RPH3AL: variants seen among roughly 807,000 people sequenced by gnomAD.
RPH3AL encodes the protein rabphilin 3A like (without C2 domains).
In RPH3AL, 38 loss-of-function variants were observed where a neutral mutation model predicts 43.1. That is an observed-to-expected ratio of 0.88 (90% confidence interval 0.68 to 1.15). The LOEUF is 1.15. RPH3AL is among the 50% of genes most tolerant of loss of function. RPH3AL has a pLI of 0.00. For synonymous variants in RPH3AL, 189 were observed against 176.3 expected (o/e 1.07, Z -0.57); for missense variants, 462 against 423.2 (o/e 1.09, Z -0.81).
intron 5 of RPH3AL, among the ~76,000 whole-genome samples, chr17:317,867 T>G (rs894332244): frequency 2.0e-5 from 3 of 152,116 alleles, no homozygotes; most frequent in African/African-American, 7.2e-5. Flanking sequence ...TTCTTTTGAC[T>G]TCTCCATCTT....
chr17:324,012 C>T (rs1369605542), intron 3 of RPH3AL, among the ~76,000 whole-genome samples: 1 of 151,184 alleles, frequency 6.6e-6, no homozygotes, highest in Non-Finnish European at 1.5e-5. Context: ...CCCTGCAAGG[C>T]AGGCCCAGAC....
In RPH3AL at chr17:319,480, G is replaced by A; in HGVS notation, c.291C>T (p.Leu97=). Residue 97 remains leucine (L), a synonymous_variant, in exon 5 of 10, where the codon CTC becomes CTT. Coordinates refer to ENST00000331302, the MANE Select transcript of RPH3AL (RefSeq NM_006987.4). ...VMGNGLSQCL[L]CGEVLGFLGS... is the part of the protein sequence containing the mutation. ...CCAGGAAGCCCAGCACCTCCCCGCA[G>A]AGCAGACACTGGGACAGGCCGTTCC... 3.7e-6 allele frequency: 6 copies of A among 1,612,702 alleles called. No individual in the cohort carries two copies. Among genetic ancestry groups the A allele is most frequent in the Non-Finnish European group, 5.1e-6 (6 of 1,179,966 alleles).
intron 1 of RPH3AL, among the ~76,000 whole-genome samples, chr17:344,214 CACT>C (rs2045192929): frequency 7.6e-6 from 1 of 132,254 alleles, no homozygotes; most frequent in Admixed American, 7.3e-5. Flanking sequence ...TCACCATCAT[CACT>C]ATCATCACCA....
chr17:333,732 A>AT lies in RPH3AL; in HGVS notation c.-37+26dup. 5.8e-6 allele frequency: 1 copy of AT among 173,746 alleles called. No homozygotes were observed. Among genetic ancestry groups the AT allele is most frequent in the South Asian group, 1.3e-4 (1 of 7,832 alleles). The allele number at this position is 173,746 out of a possible 1,614,324, so 10.8% of individuals were successfully genotyped here. On this transcript the variant is annotated intron_variant, in intron 2 of 9. Transcript: ENST00000331302. The surrounding 1 kb of genome is among the most constrained non-coding windows in gnomAD (Gnocchi z 4.5). ...AGTTCCCAAAAGGGAAATGAAGTGCATTTTTTCAGTGTATTTTTTGAGATA... is the reference window on the plus strand; with the variant it reads ...AGTTCCCAAAAGGGAAATGAAGTGCATTTTTTTCAGTGTATTTTTTGAGATA...
At chr17:331,344 T>G in intron 2 of RPH3AL, 1 of 51,774 alleles carries the variant, frequency 1.9e-5, no homozygotes, top group Non-Finnish European at 4.0e-5. Flanking sequence ...CCTCCAGAGC[T>G]GGGGCCACGG....
rs1218519565 is a variant in RPH3AL, at chr17:289,597, A to C, written c.352-7743T>G. Among the ~76,000 whole-genome samples, 2 of 152,078 alleles carry C rather than the reference A, an allele frequency of 1.3e-5. No homozygotes were observed. The highest frequency in any genetic ancestry group is 4.8e-5 in the African/African-American group (2 of 41,404). On this transcript the variant is annotated intron_variant, in intron 5 of 9. Transcript: ENST00000331302. This position sits in a 1 kb window ranked among gnomAD's most constrained non-coding sequence, Gnocchi z 5.2. The stretch of plus-strand genomic sequence containing the variant: ...CCTCTCCCATCCCTCCCAACTTAAA[A>C]GCCATCAGAGGCTTCCCGCTGCTCT...
At chr17:252,442 G>T (rs2151554972) in intron 6 of RPH3AL, among the ~76,000 whole-genome samples, 1 of 152,232 alleles carries the variant, frequency 6.6e-6, no homozygotes, top group East Asian at 1.9e-4. Context: ...CACACTATTT[G>T]TTTTTTGTTT....
At chr17:270,512 T>G (rs2042436825) in intron 6 of RPH3AL, among the ~76,000 whole-genome samples, 1 of 152,076 alleles carries the variant, frequency 6.6e-6, no homozygotes, top group South Asian at 2.1e-4. Context: ...AAGACCCCAG[T>G]GGGCTGCTGG....
At chr17:284,511 G>T (rs1275343750) in intron 5 of RPH3AL, among the ~76,000 whole-genome samples, 1 of 152,054 alleles carries the variant, frequency 6.6e-6, no homozygotes. Flanking sequence ...CTTTGCTGGG[G>T]TCGTGAGTGT....
intron 5 of RPH3AL, among the ~76,000 whole-genome samples, chr17:315,377 G>T: frequency 7.1e-6 from 1 of 141,794 alleles, no homozygotes; most frequent in Non-Finnish European, 1.6e-5. Flanking sequence ...TGTAGTCCCT[G>T]TGCCCCACCT....
chr17:313,884 C>T (rs565511795), intron 5 of RPH3AL, among the ~76,000 whole-genome samples: 2 of 152,302 alleles, frequency 1.3e-5, no homozygotes, highest in South Asian at 2.1e-4. Flanking sequence ...TCCCCTAATA[C>T]ACTCCCCTCC....
chr17:249,565 A>G (rs567824370), intron 6 of RPH3AL, among the ~76,000 whole-genome samples: 1 of 152,092 alleles, frequency 6.6e-6, no homozygotes, highest in Non-Finnish European at 1.5e-5. Context: ...CCCTACTGGA[A>G]GAATTCAAAA....
At chr17:276,867 G>C (rs1257129194) in intron 6 of RPH3AL, among the ~76,000 whole-genome samples, 2 of 152,146 alleles carry the variant, frequency 1.3e-5, no homozygotes, top group Non-Finnish European at 2.9e-5. Context: ...ACAGAATTTT[G>C]AGTGGGAAAG....
chr17:317,645 G>A (rs1439377855), intron 5 of RPH3AL, among the ~76,000 whole-genome samples: 1 of 152,174 alleles, frequency 6.6e-6, no homozygotes, highest in Non-Finnish European at 1.5e-5. Context: ...GTATTTTTGG[G>A]CCAGTTAATC....
intron 1 of RPH3AL, among the ~76,000 whole-genome samples, chr17:348,281 A>C (rs11868422): frequency 0.19 from 28,868 of 152,160 alleles, 3,396 homozygotes; most frequent in Non-Finnish European, 0.26. Context: ...TTTTGAAGGC[A>C]GCAAAGCCAT....
intron 7 of RPH3AL, among the ~76,000 whole-genome samples, chr17:227,462 AGCACTGCGCTGGGGATGTGGGG>A (rs2041133157): frequency 2.3e-5 from 1 of 44,384 alleles, no homozygotes; most frequent in African/African-American, 1.0e-4. Flanking sequence ...GTGGCCTCAC[AGCACTGCGCTGGGGATGTGGGG>A]GCCCTGCTTC....
intron 5 of RPH3AL, among the ~76,000 whole-genome samples, chr17:307,208 AG>A (rs2043514059): frequency 1.5e-5 from 1 of 67,268 alleles, no homozygotes; most frequent in Non-Finnish European, 3.5e-5. Flanking sequence ...TCCCCACGGC[AG>A]GTCCATCCCA....
intron 5 of RPH3AL, among the ~76,000 whole-genome samples, chr17:295,399 G>T (rs539758590): frequency 3.8e-4 from 43 of 113,994 alleles, no homozygotes; most frequent in Non-Finnish European, 5.9e-4. Context: ...CAGAGGAGCT[G>T]CAGAAATGGA....
At chr17:337,224 T>A (rs1356215929) in intron 1 of RPH3AL, among the ~76,000 whole-genome samples, 1 of 152,036 alleles carries the variant, frequency 6.6e-6, no homozygotes, top group Non-Finnish European at 1.5e-5. Context: ...CCCGTGATCC[T>A]CGCATCAGCC....
Sources: gnomAD v4.1 joint callset for allele counts (sites outside exome capture counted in the v4.1 genomes callset) on GRCh38, gnomAD v4.1.1 for gene constraint, Gnocchi (gnomAD v3.1) non-coding constraint, MANE v1.5 for transcripts, NCBI Gene and HGNC (gene_info 2026-07-23, HGNC 2026-07-21) for gene names.